The following CCDC187 variants were observed in gnomAD, a reference collection of about 807,000 sequenced individuals.
CCDC187 encodes the protein coiled-coil domain-containing protein 187.
CCDC187 carries 32 observed loss-of-function variants against 38.0 expected under a neutral mutation model. The observed-to-expected ratio is 0.84, with a 90% CI of 0.64 to 1.13. The LOEUF is 1.13. Among genes scored for constraint, CCDC187 ranks in the 50% most tolerant of loss-of-function variants. The pLI is 0.00. For synonymous variants in CCDC187, 333 were observed against 347.9 expected (o/e 0.96, Z 0.48); for missense variants, 707 against 786.8 (o/e 0.90, Z 1.21).
intron 9 of CCDC187, among the ~76,000 whole-genome samples, chr9:136,283,182 G>A (rs1053851266): frequency 6.6e-6 from 1 of 152,234 alleles, no homozygotes; most frequent in Non-Finnish European, 1.5e-5. Flanking sequence ...TTGGGAGGCG[G>A]AGGTTGCAGC....
Position 136,291,740 on chromosome 9 carries a change from G to A in CCDC187, c.968-95C>T, listed in dbSNP as rs1009314252. On this transcript the variant is annotated intron_variant, in intron 5 of 25. Transcript: ENST00000638797. ...GGCTGGAGGCAAGGAGTGTGGGGGC[G>A]GTGAGGAGGCCCTCGGGCCCCTGCT... 19 of 398,090 alleles carry A rather than the reference G, an allele frequency of 4.8e-5. No individual in the cohort carries two copies. In the East Asian group the frequency reaches 5.0e-4, roughly 10 times the overall value. 24.7% of individuals were successfully genotyped at this position (398,090 alleles called of 1,614,324 possible).
chr9:136,259,872 T>G (rs1360857752), intron 20 of CCDC187, among the ~76,000 whole-genome samples: 1 of 152,100 alleles, frequency 6.6e-6, no homozygotes, highest in Non-Finnish European at 1.5e-5. Flanking sequence ...GGCACACCCC[T>G]CGATCTGTAT....
At chr9:136,303,314 T>G (rs1011891889) in intron 1 of CCDC187, 21 bp from the exon 2 acceptor site, 13 of 397,124 alleles carry the variant, frequency 3.3e-5, no homozygotes, top group Middle Eastern at 1.3e-3. Context: ...ACGGCAGACA[T>G]GCCGGTCAGA....
chr9:136,293,964 A>G (rs1367802067), intron 4 of CCDC187, among the ~76,000 whole-genome samples: 3 of 146,446 alleles, frequency 2.0e-5, no homozygotes, highest in African/African-American at 7.8e-5. Context: ...TCATATACAC[A>G]TGCCCTCACA....
intron 10 of CCDC187, among the ~76,000 whole-genome samples, chr9:136,279,738 T>A (rs2131238193): frequency 1.3e-5 from 2 of 152,326 alleles, no homozygotes; most frequent in East Asian, 3.9e-4. Flanking sequence ...AGAGAAAAGG[T>A]GCTGCTATGG....
chr9:136,256,327 G>A lies in CCDC187; in HGVS notation c.4504-4C>T, dbSNP rs1830612282. 7.1e-6 allele frequency: 7 copies of A among 984,652 alleles called. No homozygotes were observed. The highest frequency in any genetic ancestry group is 8.4e-6 in the Non-Finnish European group (7 of 829,202). The allele number at this position is 984,652 out of a possible 1,614,324, so 61.0% of individuals were successfully genotyped here. On this transcript the variant is annotated splice_polypyrimidine_tract_variant and splice_region_variant and intron_variant, in intron 23 of 25. Transcript: ENST00000638797. ...TCATGCTGTCCTCAGCCACCTGCTGGAGAGACGTTGCAGAAATGACACTGT... is the reference window on the plus strand; with the variant it reads ...TCATGCTGTCCTCAGCCACCTGCTGAAGAGACGTTGCAGAAATGACACTGT...
intron 23 of CCDC187, 97 bp from the exon 24 acceptor site, chr9:136,256,420 C>T (rs73560778): frequency 0.014 from 7,339 of 520,098 alleles, 82 homozygotes; most frequent in South Asian, 0.031. Context: ...CCAGCGACCA[C>T]GGTAAAGGAA....
Position 136,249,973 on chromosome 9 carries a change from T to C in CCDC187, c.*3621A>G, listed in dbSNP as rs1588645528. On this transcript the variant is annotated 3_prime_UTR_variant, in exon 26 of 26. Coordinates refer to ENST00000638797, the MANE Select transcript of CCDC187 (RefSeq NM_001378188.1). ...TTTCTATGAAAGATAATGACTTCTC[T>C]GGAGGCTGGTATCAAGATTTATTGG... is the stretch of plus-strand genomic sequence containing the variant. The C allele has an allele frequency of 6.6e-6, 1 of 152,346 alleles. No homozygotes were observed. Among genetic ancestry groups the C allele is most frequent in the Non-Finnish European group, 1.5e-5 (1 of 68,028 alleles). 9.4% of individuals were successfully genotyped at this position (152,346 alleles called of 1,614,324 possible). A position where few individuals can be genotyped will look rare whatever the true frequency, so the allele number is the denominator to read the frequency against.
intron 9 of CCDC187, among the ~76,000 whole-genome samples, chr9:136,283,224 C>T (rs1020808722): frequency 1.3e-5 from 2 of 152,072 alleles, no homozygotes; most frequent in African/African-American, 2.4e-5. Context: ...ACTCCAGCCT[C>T]GGCGACAGAG....
chr9:136,299,941 C>CA (rs1831633966), intron 3 of CCDC187, among the ~76,000 whole-genome samples: 1 of 152,188 alleles, frequency 6.6e-6, no homozygotes, highest in Non-Finnish European at 1.5e-5. Flanking sequence ...GATCTCTCAG[C>CA]AAAAACAAAC....
In CCDC187 at chr9:136,258,028, C is replaced by T. The variant is rs1342589202; in HGVS notation, c.4366+904G>A. Among the ~76,000 whole-genome samples the T allele has an allele frequency of 1.3e-5, 2 of 152,158 alleles. No homozygotes were observed. Among genetic ancestry groups the T allele is most frequent in the Non-Finnish European group, 2.9e-5 (2 of 68,024 alleles). ...GCAGGCGCCTGGCTGGCCCCCCGAA[C>T]GGTGACAGCTGGTACACGTGGCCAT... On this transcript the variant is annotated intron_variant, in intron 22 of 25. Coordinates refer to ENST00000638797, the MANE Select transcript of CCDC187 (RefSeq NM_001378188.1). This position sits in a 1 kb window ranked among gnomAD's most constrained non-coding sequence, Gnocchi z 4.3.
chr9:136,288,790 C>A (rs1831241735), intron 7 of CCDC187, among the ~76,000 whole-genome samples: 2 of 152,290 alleles, frequency 1.3e-5, no homozygotes, highest in African/African-American at 2.4e-5. Flanking sequence ...AGAAAAGAAC[C>A]TAAAAGTAAG....
In CCDC187 at chr9:136,254,095, G is replaced by A. The variant is rs1353492428; in HGVS notation, c.5733C>T (p.Tyr1911=). ...DFGKGGETSG[Y]QEGTRDADPS... ...GGTCAGCATCCCGGGTTCCCTCCTG[G>A]TAGCCAGAAGTCTCTCCTCCTTTGC... is the stretch of plus-strand genomic sequence containing the variant. The change falls in exon 26 of 26, where the codon TAC becomes TAT. Residue 1911 remains tyrosine (Y), a synonymous_variant. Coordinates refer to ENST00000638797, the MANE Select transcript of CCDC187 (RefSeq NM_001378188.1). The A allele has an allele frequency of 1.0e-6, 1 of 985,482 alleles. No homozygotes were observed. Among genetic ancestry groups the A allele is most frequent in the South Asian group, 4.7e-5 (1 of 21,280 alleles). The allele number at this position is 985,482 out of a possible 1,614,324, so 61.0% of individuals were successfully genotyped here.
At position 136,258,442 on chromosome 9, in the gene CCDC187, C is replaced by G. The variant is rs1319715236; in HGVS notation, c.4366+490G>C. Among the ~76,000 whole-genome samples, 3 of 152,146 alleles carry G rather than the reference C, an allele frequency of 2.0e-5. No homozygotes were observed. The highest frequency in any genetic ancestry group is 1.3e-4 in the Admixed American group (2 of 15,282). ...TGGCATCGCAGGGCACACAACCCCC[C>G]ACTCTTCAGCCGGCGGCTACCAGAC... On this transcript the variant is annotated intron_variant, in intron 22 of 25. Transcript: ENST00000638797. The surrounding 1 kb of genome is among the most constrained non-coding windows in gnomAD (Gnocchi z 4.3).
intron 4 of CCDC187, among the ~76,000 whole-genome samples, chr9:136,296,986 T>A (rs1831550674): frequency 6.6e-6 from 1 of 152,046 alleles, no homozygotes; most frequent in African/African-American, 2.4e-5. Flanking sequence ...CACCCCCAAG[T>A]GTGCAGGTGG....
chr9:136,277,224 T>A (rs1474622519), intron 10 of CCDC187, among the ~76,000 whole-genome samples: 1 of 147,468 alleles, frequency 6.8e-6, no homozygotes, highest in Non-Finnish European at 1.5e-5. Context: ...AGGAGATAGT[T>A]TGGTACAGGC....
At position 136,257,883 on chromosome 9, in the gene CCDC187, G is replaced by A. The variant is rs781985709; in HGVS notation, c.4367-1042C>T. 6.6e-6 allele frequency among the ~76,000 whole-genome samples: 1 copy of A among 152,186 alleles called. No homozygotes were observed. The highest frequency in any genetic ancestry group is 1.5e-5 in the Non-Finnish European group (1 of 68,028). ...AGAGAGCGGCCGGCACCGCAGTCAG[G>A]CAGACTCAGGGTGAACCCTAGACCA... On this transcript the variant is annotated intron_variant, in intron 22 of 25. Coordinates refer to ENST00000638797, the MANE Select transcript of CCDC187 (RefSeq NM_001378188.1). The surrounding 1 kb of genome is among the most constrained non-coding windows in gnomAD (Gnocchi z 4.5).
intron 16 of CCDC187, 146 bp from the exon 17 acceptor site, chr9:136,266,189 G>A (rs1382017671): frequency 6.9e-6 from 2 of 289,646 alleles, no homozygotes; most frequent in African/African-American, 2.3e-5. Flanking sequence ...GCAGCCATGC[G>A]TGGACAGGCT....
intron 7 of CCDC187, among the ~76,000 whole-genome samples, chr9:136,287,600 T>C (rs994039408): frequency 5.3e-5 from 8 of 152,208 alleles, no homozygotes; most frequent in Non-Finnish European, 1.2e-4. Flanking sequence ...CCTCCTCGGC[T>C]GCGGCACCCA....
Sources: allele counts gnomAD v4.1 joint callset (sites outside exome capture counted in the v4.1 genomes callset), GRCh38; gene constraint gnomAD v4.1.1; non-coding constraint Gnocchi (gnomAD v3.1); transcripts MANE v1.5; gene names NCBI Gene and HGNC (gene_info 2026-07-23, HGNC 2026-07-21).